The following LBH variants were observed in gnomAD, a reference collection of about 807,000 sequenced individuals.
LBH encodes LBH regulator of Wnt signaling pathway.
A neutral mutation model predicts 12.5 loss-of-function variants in LBH; 7 were observed. The ratio of observed to expected loss-of-function variants is 0.56; its 90% confidence interval spans 0.32 to 1.05. The LOEUF (loss-of-function observed/expected upper bound fraction) is 1.05, where lower values mean the gene tolerates loss of function less well. Among genes scored for constraint, LBH ranks in the 50% least tolerant of loss-of-function variants. The pLI, the probability that LBH is intolerant of heterozygous loss-of-function variation, is 0.04. For missense variants in LBH, 119 were observed against 138.9 expected (o/e 0.86, Z 0.72); for synonymous variants, 51 against 50.1 (o/e 1.02, Z -0.08).
chr2:30,257,290 A>T, intron 2 of LBH, 143 bp from the exon 3 acceptor site: 1 of 816,592 alleles, frequency 1.2e-6, no homozygotes, highest in Non-Finnish European at 1.9e-6. Flanking sequence ...CCCACCTTAT[A>T]TACTCCACAG....
In LBH at chr2:30,257,566, A is replaced by G. The variant is rs1412578936; in HGVS notation, c.263A>G (p.Gln88Arg). 6 of 1,614,042 alleles carry G rather than the reference A, an allele frequency of 3.7e-6. No individual in the cohort carries two copies. Among genetic ancestry groups the G allele is most frequent in the South Asian group, 1.1e-5 (1 of 91,082 alleles). Reference sequence around the variant, plus strand: ...TGGCCCCCTGAGGAGTTCCTGGTCCAGGAGGATGAGCAAGATAACTGCGAA... The same window carrying G: ...TGGCCCCCTGAGGAGTTCCTGGTCCGGGAGGATGAGCAAGATAACTGCGAA... ...LRWPPEEFLV[Q>R]EDEQDNCEET... Residue 88 changes from glutamine (Q) to arginine (R), a missense_variant, in exon 3 of 3, where the codon CAG becomes CGG. Physicochemically the swap from Gln to Arg is conservative, Grantham distance 43. Transcript: ENST00000395323.
Position 30,234,510 on chromosome 2 carries a change from G to A in LBH, c.129+3G>A, listed in dbSNP as rs201803013. The A allele has an allele frequency of 6.9e-6, 11 of 1,604,940 alleles. No homozygotes were observed. The African/African-American group carries it at 9.4e-5, about 14-fold the overall frequency. ...GCAAGGATGGCCTTTCCTACCAGGT[G>A]AGTAAGTCCTGGCTCCCCTCTGACT... On this transcript the variant is annotated splice_donor_region_variant and intron_variant, in intron 2 of 2. Coordinates refer to ENST00000395323, the MANE Select transcript of LBH (RefSeq NM_030915.4).
At chr2:30,237,432 C>T (rs566816640) in intron 2 of LBH, among the ~76,000 whole-genome samples, 2 of 150,210 alleles carry the variant, frequency 1.3e-5, no homozygotes, top group African/African-American at 2.4e-5. Flanking sequence ...CCAATGATGC[C>T]GCTTCGAGGA....
chr2:30,238,885 C>CTT lies in LBH; in HGVS notation c.129+4399_129+4400dup, dbSNP rs367954684. ...CTTCTTTCTCTCACTCCTCCCCACT[C>CTT]TTTTTTTTTTTTTTTTTTTTTTGAG... On this transcript the variant is annotated intron_variant, in intron 2 of 2. Transcript: ENST00000395323. 9.9e-3 allele frequency among the ~76,000 whole-genome samples: 969 copies of CTT among 98,020 alleles called. 32 individuals carry two copies. The highest frequency in any genetic ancestry group is 0.028 in the African/African-American group (711 of 25,358). 64.3% of individuals were successfully genotyped at this position (98,020 alleles called of 152,430 possible).
At chr2:30,252,661 CA>C (rs563770027) in intron 2 of LBH, among the ~76,000 whole-genome samples, 7,423 of 131,684 alleles carry the variant, frequency 0.056, 276 homozygotes, top group African/African-American at 0.11. Flanking sequence ...GACTCCGTCT[CA>C]AAAAAAAAAA....
At chr2:30,244,317 G>C (rs1677839568) in intron 2 of LBH, among the ~76,000 whole-genome samples, 1 of 152,126 alleles carries the variant, frequency 6.6e-6, no homozygotes, top group African/African-American at 2.4e-5. Context: ...AGATTTGTAT[G>C]CCAAATTACT....
intron 1 of LBH, among the ~76,000 whole-genome samples, chr2:30,233,770 A>C (rs1677634100): frequency 6.6e-6 from 1 of 152,202 alleles, no homozygotes; most frequent in African/African-American, 2.4e-5. Flanking sequence ...AGCTGTGAGC[A>C]TGCAGCTGCT....
At chr2:30,255,104 G>A (rs879415988) in intron 2 of LBH, among the ~76,000 whole-genome samples, 2 of 152,262 alleles carry the variant, frequency 1.3e-5, no homozygotes, top group Non-Finnish European at 2.9e-5. Context: ...ACTATTCCTA[G>A]AGTGGCAGTG....
intron 2 of LBH, among the ~76,000 whole-genome samples, chr2:30,242,090 T>G (rs1232835154): frequency 6.6e-6 from 1 of 152,190 alleles, no homozygotes; most frequent in Non-Finnish European, 1.5e-5. Flanking sequence ...TGTAAATATG[T>G]ATATAAAAAG....
chr2:30,247,585 G>GTGC (rs142085433), intron 2 of LBH, among the ~76,000 whole-genome samples: 1,645 of 152,222 alleles, frequency 0.011, 30 homozygotes, highest in African/African-American at 0.037. Context: ...AGTAAGAATG[G>GTGC]TGCTCCGTGG....
intron 2 of LBH, among the ~76,000 whole-genome samples, chr2:30,235,881 GAA>G: frequency 1.3e-5 from 2 of 152,198 alleles, no homozygotes; most frequent in African/African-American, 4.8e-5. Flanking sequence ...CCATTAGCTT[GAA>G]GGGGGTGTGT....
chr2:30,254,282 A>C (rs1429707654), intron 2 of LBH, among the ~76,000 whole-genome samples: 1 of 152,216 alleles, frequency 6.6e-6, no homozygotes, highest in East Asian at 1.9e-4. Flanking sequence ...TTATAACACT[A>C]TACTGCAACA....
At chr2:30,238,379 T>A (rs1207415913) in intron 2 of LBH, among the ~76,000 whole-genome samples, 1 of 152,246 alleles carries the variant, frequency 6.6e-6, no homozygotes, top group African/African-American at 2.4e-5. Flanking sequence ...GAACACATCA[T>A]CCTTCTCCAG....
At chr2:30,249,223 G>A (rs2103561289) in intron 2 of LBH, among the ~76,000 whole-genome samples, 1 of 152,302 alleles carries the variant, frequency 6.6e-6, no homozygotes, top group African/African-American at 2.4e-5. Flanking sequence ...TAATAATAAT[G>A]ATGATAATAA....
chr2:30,232,161 G>A, intron 1 of LBH: 2 of 1,468,172 alleles, frequency 1.4e-6, no homozygotes, highest in South Asian at 1.2e-5. Flanking sequence ...CTTTTTGTTT[G>A]CATGCAAGTC....
At chr2:30,238,885 C>CTTTTTT (rs367954684) in intron 2 of LBH, among the ~76,000 whole-genome samples, 1 of 98,042 alleles carries the variant, frequency 1.0e-5, no homozygotes, top group Non-Finnish European at 2.0e-5. Flanking sequence ...CCTCCCCACT[C>CTTTTTT]TTTTTTTTTT....
At chr2:30,237,346 A>G (rs528216764) in intron 2 of LBH, among the ~76,000 whole-genome samples, 2 of 152,346 alleles carry the variant, frequency 1.3e-5, no homozygotes, top group East Asian at 1.9e-4. Context: ...TTGCAGATCT[A>G]TCGAGAGTGA....
In LBH at chr2:30,259,961, A is replaced by T. The variant is rs1678167031; in HGVS notation, c.*2340A>T. On this transcript the variant is annotated 3_prime_UTR_variant, in exon 3 of 3. Transcript: ENST00000395323. ...TTTTGAGGCTCAGGGAGAAACTAGC[A>T]TTTTTTTTTTTCCAAACTACTTTTT... 1.3e-5 allele frequency: 2 copies of T among 149,408 alleles called. No homozygotes were observed. Among genetic ancestry groups the T allele is most frequent in the Middle Eastern group, 3.5e-3 (1 of 284 alleles). The allele number at this position is 149,408 out of a possible 1,614,324, so 9.3% of individuals were successfully genotyped here.
intron 2 of LBH, among the ~76,000 whole-genome samples, chr2:30,249,190 TGG>T (rs1677930190): frequency 6.6e-6 from 1 of 152,148 alleles, no homozygotes; most frequent in Non-Finnish European, 1.5e-5. Context: ...ACATTTCACG[TGG>T]AAAAGCCAGT....
Sources: gnomAD v4.1 joint callset for allele counts (sites outside exome capture counted in the v4.1 genomes callset) on GRCh38, gnomAD v4.1.1 for gene constraint, MANE v1.5 for transcripts, NCBI Gene and HGNC (gene_info 2026-07-23, HGNC 2026-07-21) for gene names.